The following NRXN3 variants were observed in gnomAD, a reference collection of about 807,000 sequenced individuals.
NRXN3 encodes neurexin 3, also known as neurexin III.
Under a neutral mutation model 137.6 loss-of-function variants are expected in NRXN3, and 32 were observed. The observed-to-expected ratio is 0.23, with a 90% CI of 0.18 to 0.31. The LOEUF (loss-of-function observed/expected upper bound fraction) is 0.31, where lower values mean the gene tolerates loss of function less well. Ranked by LOEUF, NRXN3 falls within the 10% of genes least tolerant of loss-of-function variation. The pLI is 1.00. For synonymous variants in NRXN3, 798 were observed against 784.5 expected (o/e 1.02, Z -0.29); for missense variants, 1,574 against 2,062.5 (o/e 0.76, Z 4.59).
intron 15 of NRXN3, among the ~76,000 whole-genome samples, chr14:79,426,648 G>T (rs1363805729): frequency 6.6e-6 from 1 of 152,188 alleles, no homozygotes; most frequent in African/African-American, 2.4e-5. Flanking sequence ...AATGGAAATG[G>T]CCTTGTGTTT....
chr14:78,806,385 G>C (rs977949713), intron 9 of NRXN3, among the ~76,000 whole-genome samples: 8 of 151,918 alleles, frequency 5.3e-5, no homozygotes, highest in African/African-American at 1.9e-4. Context: ...TCTCTTTGCC[G>C]TGAATTTGTG....
At chr14:78,953,529 G>T (rs1440345002) in intron 10 of NRXN3, among the ~76,000 whole-genome samples, 2 of 152,158 alleles carry the variant, frequency 1.3e-5, no homozygotes, top group African/African-American at 4.8e-5. Context: ...CATTTGGGTG[G>T]TATTATTACC....
At chr14:78,849,513 T>C (rs1172492401) in intron 10 of NRXN3, among the ~76,000 whole-genome samples, 1 of 152,128 alleles carries the variant, frequency 6.6e-6, no homozygotes, top group African/African-American at 2.4e-5. Flanking sequence ...AATTCCATGA[T>C]GTCCCACAAG....
At chr14:78,823,096 T>C (rs981695840) in intron 10 of NRXN3, among the ~76,000 whole-genome samples, 11 of 152,206 alleles carry the variant, frequency 7.2e-5, no homozygotes, top group African/African-American at 7.2e-5. Context: ...TAGAGATGCA[T>C]AGAAGATGAA....
chr14:78,251,938 A>G (rs2068694211), intron 2 of NRXN3, among the ~76,000 whole-genome samples: 2 of 152,092 alleles, frequency 1.3e-5, no homozygotes, highest in South Asian at 4.2e-4. Flanking sequence ...AGAGGAGGAC[A>G]AAGTATGGCT....
intron 15 of NRXN3, among the ~76,000 whole-genome samples, chr14:79,170,828 T>C (rs955125438): frequency 1.3e-5 from 2 of 152,086 alleles, no homozygotes; most frequent in Non-Finnish European, 1.5e-5. Context: ...GAGAAAATTA[T>C]AGTTTCTTGG....
Position 79,061,867 on chromosome 14 carries a change from T to C in NRXN3, c.3262+73726T>C, listed in dbSNP as rs566228312. On this transcript the variant is annotated intron_variant, in intron 15 of 20. Transcript: ENST00000335750. The stretch of plus-strand genomic sequence containing the variant: ...TAACGCAGCATGCCTAATGCCAGAG[T>C]GGGCAGAAAGAATAATAGCTGTTGT... 1.2e-4 allele frequency among the ~76,000 whole-genome samples: 18 copies of C among 152,082 alleles called. No homozygotes were observed. The South Asian group carries it at 3.7e-3, about 32-fold the overall frequency.
chr14:79,040,749 A>T (rs1158991096), intron 15 of NRXN3, among the ~76,000 whole-genome samples: 6 of 152,136 alleles, frequency 3.9e-5, no homozygotes, highest in Non-Finnish European at 7.4e-5. Context: ...TGGGTGTCTC[A>T]TGTGCATAAG....
chr14:78,524,193 TG>T (rs1016156033), intron 4 of NRXN3, among the ~76,000 whole-genome samples: 39 of 151,318 alleles, frequency 2.6e-4, no homozygotes, highest in Admixed American at 1.4e-3. Flanking sequence ...TCTTAGTGTA[TG>T]TTTTTTTTTG....
intron 15 of NRXN3, among the ~76,000 whole-genome samples, chr14:79,379,569 C>G (rs116658585): frequency 5.3e-5 from 8 of 152,146 alleles, no homozygotes; most frequent in African/African-American, 1.9e-4. Flanking sequence ...TGCCAGAATG[C>G]CTCTGACAGC....
At chr14:79,277,320 G>A (rs2080441825) in intron 15 of NRXN3, among the ~76,000 whole-genome samples, 1 of 152,190 alleles carries the variant, frequency 6.6e-6, no homozygotes, top group African/African-American at 2.4e-5. Flanking sequence ...TGGAGCTGAA[G>A]CATTAGAGTT....
intron 5 of NRXN3, among the ~76,000 whole-genome samples, chr14:78,650,370 C>G (rs960877165): frequency 1.3e-5 from 2 of 152,064 alleles, no homozygotes; most frequent in East Asian, 1.9e-4. Context: ...GCCCTCTGCT[C>G]CTTTCATGGA....
intron 19 of NRXN3, among the ~76,000 whole-genome samples, chr14:79,775,170 C>T (rs1011345754): frequency 9.9e-5 from 15 of 152,034 alleles, no homozygotes; most frequent in African/African-American, 2.9e-4. Context: ...TCACAACCAG[C>T]TACATTTAGC....
chr14:79,437,847 A>G (rs994996573), intron 15 of NRXN3, among the ~76,000 whole-genome samples: 6 of 152,240 alleles, frequency 3.9e-5, no homozygotes, highest in African/African-American at 1.4e-4. Flanking sequence ...TCTTTGAGTC[A>G]TGCTGTCCTC....
chr14:78,917,988 G>C (rs1429295329), intron 10 of NRXN3, among the ~76,000 whole-genome samples: 1 of 107,486 alleles, frequency 9.3e-6, no homozygotes. Context: ...ATAAAAAAAT[G>C]AAAAAAAAAA....
chr14:79,378,059 C>G (rs2094357480), intron 15 of NRXN3, among the ~76,000 whole-genome samples: 1 of 152,084 alleles, frequency 6.6e-6, no homozygotes, highest in South Asian at 2.1e-4. Flanking sequence ...GCTAATGACC[C>G]CTTCTAATAT....
At chr14:78,598,575 G>A (rs1010265227) in intron 4 of NRXN3, among the ~76,000 whole-genome samples, 2 of 152,240 alleles carry the variant, frequency 1.3e-5, no homozygotes, top group African/African-American at 4.8e-5. Context: ...CACATTTGCT[G>A]TGTCACTTCT....
intron 4 of NRXN3, among the ~76,000 whole-genome samples, chr14:78,553,576 A>G (rs1050665174): frequency 6.6e-6 from 1 of 152,198 alleles, no homozygotes; most frequent in Non-Finnish European, 1.5e-5. Flanking sequence ...CAGAGAGGTT[A>G]TTCATACATG....
chr14:78,890,228 T>C (rs2152697598), intron 10 of NRXN3, among the ~76,000 whole-genome samples: 1 of 152,086 alleles, frequency 6.6e-6, no homozygotes, highest in East Asian at 1.9e-4. Context: ...CAGGATAATC[T>C]ACAAAATACA....
Sources: gnomAD v4.1 joint callset for allele counts (sites outside exome capture counted in the v4.1 genomes callset) on GRCh38, gnomAD v4.1.1 for gene constraint, MANE v1.5 for transcripts, NCBI Gene and HGNC (gene_info 2026-07-23, HGNC 2026-07-21) for gene names.